Variants in NPHP3 observed in about 807,000 individuals in gnomAD.
NPHP3 encodes the protein nephrocystin-3.
Under a neutral mutation model 171.9 loss-of-function variants are expected in NPHP3, and 123 were observed. The observed-to-expected ratio is 0.72, with a 90% CI of 0.62 to 0.83. The LOEUF is 0.83. Among genes scored for constraint, NPHP3 ranks in the 40% least tolerant of loss-of-function variants. The pLI, the probability that NPHP3 is intolerant of heterozygous loss-of-function variation, is 0.00. For missense variants in NPHP3, 1,506 were observed against 1,591.9 expected, an observed-to-expected ratio of 0.95 and a Z score of 0.92; for synonymous variants, 558 against 579.2, an observed-to-expected ratio of 0.96 and a Z score of 0.52.
intron 9 of NPHP3, among the ~76,000 whole-genome samples, chr3:132,702,908 C>A (rs1388975398): frequency 6.6e-6 from 1 of 152,140 alleles, no homozygotes; most frequent in Non-Finnish European, 1.5e-5. Context: ...CAGGTTAAGA[C>A]CCATGGCTAT....
chr3:132,683,586 T>C (rs1939085496), intron 24 of NPHP3, 62 bp from the exon 25 acceptor site: 2 of 1,357,298 alleles, frequency 1.5e-6, no homozygotes, highest in African/African-American at 1.5e-5. Flanking sequence ...TTATCAGAGC[T>C]TTTTCCATAA....
In NPHP3 at chr3:132,710,698, C is replaced by T. The variant is rs1048036202; in HGVS notation, c.1118+2428G>A. ...TCACCCTATTTCAGTTCCCATTCTT[C>T]GTTGTAGGAGATTTCTCCCGGGATT... On this transcript the variant is annotated intron_variant, in intron 6 of 26. Coordinates refer to ENST00000337331, the MANE Select transcript of NPHP3 (RefSeq NM_153240.5). Among the ~76,000 whole-genome samples the T allele has an allele frequency of 3.3e-5, 5 of 152,174 alleles. No homozygotes were observed. In the East Asian group the frequency reaches 5.8e-4, roughly 18 times the overall value.
At chr3:132,686,539 TTACAAA>T (rs1939168931) in intron 22 of NPHP3, 152 bp from the exon 23 acceptor site, 1 of 800,516 alleles carries the variant, frequency 1.2e-6, no homozygotes, top group South Asian at 1.6e-5. Context: ...AACTTGATGA[TTACAAA>T]TACAAATATT....
chr3:132,699,271 C>T, intron 13 of NPHP3, 82 bp downstream of exon 13: 2 of 954,006 alleles, frequency 2.1e-6, no homozygotes, highest in Non-Finnish European at 1.7e-6. Flanking sequence ...ATGTGAAAAC[C>T]ATAAATGCAT....
At chr3:132,687,075 CAT>C (rs1305463168) in intron 22 of NPHP3, 74 bp downstream of exon 22, 19 of 734,304 alleles carry the variant, frequency 2.6e-5, no homozygotes, top group Non-Finnish European at 4.7e-5. Flanking sequence ...AGCTCTTAAA[CAT>C]GTGGGGTGTA....
At chr3:132,714,684 G>A (rs751561889) in intron 5 of NPHP3, among the ~76,000 whole-genome samples, 14 of 152,040 alleles carry the variant, frequency 9.2e-5, no homozygotes, top group Non-Finnish European at 1.5e-4. Flanking sequence ...AGCTATGACT[G>A]TGCCACTGCC....
rs1560002112 is a variant in NPHP3 at position 132,688,771 on chromosome 3, C to T, written c.3004G>A (p.Gly1002Ser). ...ASVYVQWKKF[G>S]NAEQLYKQAL... ...TGTTTATACAGTTGTTCTGCATTGCCAAACTTCTTCCACTGCACGTATACA... is the reference window on the plus strand; with the variant it reads ...TGTTTATACAGTTGTTCTGCATTGCTAAACTTCTTCCACTGCACGTATACA... The change falls in exon 21 of 27, where the codon GGC (glycine) becomes AGC (serine). Residue 1002 changes from glycine (G) to serine (S), a missense_variant. By Grantham distance (56) the Gly-to-Ser change is moderately conservative. Transcript: ENST00000337331. 1.9e-6 allele frequency: 3 copies of T among 1,613,968 alleles called. No individual in the cohort carries two copies. The highest frequency in any genetic ancestry group is 2.5e-6 in the Non-Finnish European group (3 of 1,180,006).
intron 6 of NPHP3, among the ~76,000 whole-genome samples, chr3:132,708,651 C>T (rs1939821922): frequency 6.6e-6 from 1 of 152,104 alleles, no homozygotes; most frequent in African/African-American, 2.4e-5. Flanking sequence ...TCCATGTTAA[C>T]ACAAGTAGGC....
chr3:132,690,678 A>G (rs150982507), intron 18 of NPHP3, 28 bp from the exon 19 acceptor site: 109 of 1,612,452 alleles, frequency 6.8e-5, no homozygotes, highest in Admixed American at 1.3e-4. Flanking sequence ...ACAATATTCA[A>G]TATCTTCCTA....
chr3:132,700,036 G>C lies in NPHP3; in HGVS notation c.1769C>G (p.Ser590Cys). The change falls in exon 12 of 27, where the codon TCT becomes TGT. Residue 590 changes from serine to cysteine, a missense_variant. Ser to Cys is a moderately radical substitution (Grantham distance 112). This residue lies in a region of NPHP3 where 930 missense variants were observed against 924.9 expected (regional missense o/e 1.01). Transcript: ENST00000337331. ...CTTAGCAGGATCCAGTGTCAGAGCA[G>C]AGACTGACCAAGAGTGCTGCATCAA... The part of the protein sequence containing the change: ...LKLMQHSWSV[S>C]ALTLDPAKLL... The C allele has an allele frequency of 6.2e-7, 1 of 1,614,134 alleles. No homozygotes were observed. The highest frequency in any genetic ancestry group is 8.5e-7 in the Non-Finnish European group (1 of 1,180,014).
Position 132,708,158 on chromosome 3 carries a change from G to T in NPHP3, c.1218C>A (p.Asp406Glu), listed in dbSNP as rs1337895909. 1 of 1,614,130 alleles carries T rather than the reference G, an allele frequency of 6.2e-7. No homozygotes were observed. Among genetic ancestry groups the T allele is most frequent in the East Asian group, 2.2e-5 (1 of 44,886 alleles). ...CTTGATCAATCAATTGCTGGACAGAGTCAGAACTGACTTTTCCATCTTCCA... is the reference window on the plus strand; with the variant it reads ...CTTGATCAATCAATTGCTGGACAGATTCAGAACTGACTTTTCCATCTTCCA... ...HRLEDGKVSS[D>E]SVQQLIDQVS... The change falls in exon 7 of 27, where the codon GAC (aspartate) becomes GAA (glutamate). Residue 406 changes from aspartate to glutamate, a missense_variant. Transcript: ENST00000337331.
In NPHP3 at chr3:132,682,046, C is replaced by CT; in HGVS notation, c.3856dup (p.Arg1286LysfsTer29). 1 of 1,614,018 alleles carries CT rather than the reference C, an allele frequency of 6.2e-7. No individual in the cohort carries two copies. The highest frequency in any genetic ancestry group is 1.3e-5 in the African/African-American group (1 of 75,012). The stretch of plus-strand genomic sequence containing the variant: ...TTCTGCTTCTTTTATTTCCATTGCC[C>CT]TTTTGTATAATTCAGCAGCTTTTTC... On this transcript the variant is annotated frameshift_variant, in exon 27 of 27. Coordinates refer to ENST00000337331, the MANE Select transcript of NPHP3 (RefSeq NM_153240.5). LOFTEE classifies it high-confidence loss of function.
At position 132,718,043 on chromosome 3, in the gene NPHP3, C is replaced by T. The variant is rs763944555; in HGVS notation, c.670+951G>A. On this transcript the variant is annotated intron_variant, in intron 3 of 26. Transcript: ENST00000337331. ...TGCTGGTATTACAGGCATAAGCCAC[C>T]GTGCCCGGCCTTCATTTTTTTTCCT... The T allele has an allele frequency of 1.7e-4, 71 of 419,766 alleles. 1 individual carries two copies. Among genetic ancestry groups the T allele is most frequent in the Admixed American group, 1.4e-3 (53 of 38,498 alleles). The allele number at this position is 419,766 out of a possible 1,614,324, so 26.0% of individuals were successfully genotyped here.
Position 132,722,117 on chromosome 3 carries a change from G to C in NPHP3, c.239C>G (p.Ser80Trp). The change falls in exon 1 of 27, where the codon TCG becomes TGG. Residue 80 changes from serine (S) to tryptophan (W), a missense_variant. Physicochemically the swap from Ser to Trp is radical, Grantham distance 177. Transcript: ENST00000337331. Reference sequence around the variant, plus strand: ...CGCCGCGTACTCCAGCTCTGGCACCGACGAGCCAGTGGACTTGAAGCTGGC... The same window carrying C: ...CGCCGCGTACTCCAGCTCTGGCACCCACGAGCCAGTGGACTTGAAGCTGGC... ...LGASFKSTGS[S>W]VPELEYAAAE... 6.2e-7 allele frequency: 1 copy of C among 1,604,906 alleles called. No homozygotes were observed. The highest frequency in any genetic ancestry group is 8.5e-7 in the Non-Finnish European group (1 of 1,179,330).
intron 6 of NPHP3, among the ~76,000 whole-genome samples, chr3:132,709,164 G>A (rs116035068): frequency 0.013 from 1,923 of 150,542 alleles, 22 homozygotes; most frequent in Middle Eastern, 0.11. Flanking sequence ...AAACAACTTT[G>A]TTATAGGGAA....
At chr3:132,714,169 T>C (rs1216850689) in intron 5 of NPHP3, among the ~76,000 whole-genome samples, 1 of 152,270 alleles carries the variant, frequency 6.6e-6, no homozygotes, top group African/African-American at 2.4e-5. Context: ...AGTGCAGCAA[T>C]GTTCTAATAA....
chr3:132,686,110 TG>T, intron 23 of NPHP3, 149 bp downstream of exon 23: 1 of 726,368 alleles, frequency 1.4e-6, no homozygotes, highest in Non-Finnish European at 2.4e-6. Context: ...TCTTTAGGTA[TG>T]TGTATGCTCA....
chr3:132,710,668 C>T (rs1233687568), intron 6 of NPHP3, among the ~76,000 whole-genome samples: 7 of 152,296 alleles, frequency 4.6e-5, no homozygotes, highest in East Asian at 3.9e-4. Context: ...CAGCCTCTCC[C>T]GGACTCACCC....
intron 3 of NPHP3, among the ~76,000 whole-genome samples, chr3:132,718,460 T>C (rs1034080237): frequency 9.8e-5 from 15 of 152,364 alleles, no homozygotes; most frequent in African/African-American, 3.6e-4. Flanking sequence ...TTGCAAAGAA[T>C]ACATCATTAT....
Sources: gnomAD v4.1 joint callset for allele counts (sites outside exome capture counted in the v4.1 genomes callset) on GRCh38, gnomAD v4.1.1 for gene constraint, gnomAD v4.1.1 regional missense constraint, MANE v1.5 for transcripts, NCBI Gene and HGNC (gene_info 2026-07-23, HGNC 2026-07-21) for gene names.